Variants in VCL observed in about 807,000 individuals in gnomAD.
The protein encoded by VCL is vinculin, also known as epididymis luminal protein 114.
In VCL, 47 loss-of-function variants were observed where a neutral mutation model predicts 125.7. The observed-to-expected ratio is 0.37, with a 90% CI of 0.30 to 0.48. VCL has a LOEUF of 0.48. Ranked by LOEUF, VCL falls within the 20% of genes least tolerant of loss-of-function variation. VCL has a pLI of 0.99. For missense variants in VCL, 1,069 were observed against 1,455.5 expected (o/e 0.73, Z 4.32); for synonymous variants, 458 against 514.6 (o/e 0.89, Z 1.49).
In VCL at chr10:74,100,820, C is replaced by T. The variant is rs1021250820; in HGVS notation, c.1873-128C>T. ...TGGAGTTTGACTGTTGTTTTATTAA[C>T]TAGGGTTTGATGTCATCTCTAAAGT... On this transcript the variant is annotated intron_variant, in intron 13 of 21. Transcript: ENST00000211998. 10 of 1,121,554 alleles carry T rather than the reference C, an allele frequency of 8.9e-6. No homozygotes were observed. In the African/African-American group the frequency reaches 1.5e-4, roughly 17 times the overall value. 69.5% of individuals were successfully genotyped at this position (1,121,554 alleles called of 1,614,324 possible). A position where few individuals can be genotyped will look rare whatever the true frequency, so the allele number is the denominator to read the frequency against.
Position 74,097,186 on chromosome 10 carries a change from G to A in VCL, c.1744-18G>A. 6.2e-7 allele frequency: 1 copy of A among 1,612,538 alleles called. No homozygotes were observed. The highest frequency in any genetic ancestry group is 8.5e-7 in the Non-Finnish European group (1 of 1,179,260). On this transcript the variant is annotated intron_variant, in intron 12 of 21. Transcript: ENST00000211998. This position sits in a 1 kb window ranked among gnomAD's most constrained non-coding sequence, Gnocchi z 4.1. ...AGGATGTATCTGGACATTTTCATAT[G>A]TAAACAATGTTTTTAAGGATCTAAA...
At chr10:73,998,825 C>T (rs1840169119) in intron 1 of VCL, among the ~76,000 whole-genome samples, 1 of 152,178 alleles carries the variant, frequency 6.6e-6, no homozygotes, top group Non-Finnish European at 1.5e-5. Flanking sequence ...GCGGGCCTTC[C>T]CACGGATCCC....
intron 2 of VCL, among the ~76,000 whole-genome samples, chr10:74,049,201 G>A (rs1564517617): frequency 1.3e-5 from 2 of 151,244 alleles, no homozygotes; most frequent in East Asian, 3.9e-4. Context: ...TTCTCATTAT[G>A]TTTTTTTTTA....
chr10:74,044,655 C>T (rs1337377831), intron 2 of VCL, among the ~76,000 whole-genome samples: 1 of 152,194 alleles, frequency 6.6e-6, no homozygotes, highest in East Asian at 1.9e-4. Context: ...AGCAGTTCCA[C>T]TGTCGGGTAT....
intron 2 of VCL, among the ~76,000 whole-genome samples, chr10:74,069,696 A>C (rs577592867): frequency 2.0e-5 from 3 of 152,372 alleles, no homozygotes; most frequent in African/African-American, 7.2e-5. Context: ...CAGTCACAAC[A>C]TAATGGCTAT....
chr10:74,062,592 G>A (rs1424706727), intron 2 of VCL, among the ~76,000 whole-genome samples: 3 of 151,916 alleles, frequency 2.0e-5, no homozygotes. Flanking sequence ...TTTCTAGGTC[G>A]GTTTTGTTTT....
chr10:74,067,261 G>A (rs1841584556), intron 2 of VCL, among the ~76,000 whole-genome samples: 1 of 151,876 alleles, frequency 6.6e-6, no homozygotes, highest in South Asian at 2.1e-4. Context: ...CTCCATAAAA[G>A]ATGTAGAAAT....
intron 1 of VCL, among the ~76,000 whole-genome samples, chr10:74,013,348 C>T (rs1840471323): frequency 6.6e-6 from 1 of 151,806 alleles, no homozygotes; most frequent in Non-Finnish European, 1.5e-5. Flanking sequence ...TCCTGGGGTG[C>T]AGATGGGGAT....
At chr10:74,107,726 A>G (rs1840159965) in intron 17 of VCL, among the ~76,000 whole-genome samples, 2 of 152,150 alleles carry the variant, frequency 1.3e-5, no homozygotes, top group Admixed American at 1.3e-4. Flanking sequence ...TTAGTTGATA[A>G]TGGTAGAACC....
intron 2 of VCL, among the ~76,000 whole-genome samples, chr10:74,050,873 C>G (rs2136255376): frequency 6.6e-6 from 1 of 150,832 alleles, no homozygotes; most frequent in African/African-American, 2.4e-5. Flanking sequence ...AGCAAGCACT[C>G]AAACTTTAAA....
At chr10:74,080,780 A>G (rs1420235547) in intron 6 of VCL, among the ~76,000 whole-genome samples, 1 of 152,216 alleles carries the variant, frequency 6.6e-6, no homozygotes, top group African/African-American at 2.4e-5. Flanking sequence ...CTATGCCTAG[A>G]TAACTTGTGT....
At chr10:74,004,006 C>T (rs1840275193) in intron 1 of VCL, among the ~76,000 whole-genome samples, 1 of 152,204 alleles carries the variant, frequency 6.6e-6, no homozygotes, top group Non-Finnish European at 1.5e-5. Flanking sequence ...TAGGCATGAT[C>T]CACTGTGTCC....
At chr10:74,022,031 C>T (rs1288832869) in intron 1 of VCL, among the ~76,000 whole-genome samples, 1 of 152,052 alleles carries the variant, frequency 6.6e-6, no homozygotes, top group African/African-American at 2.4e-5. Context: ...ATGCCTTGTC[C>T]CCAGTCTTCC....
Position 74,119,982 on chromosome 10 carries a change from A to G in VCL, c.*1813A>G, listed in dbSNP as rs1840384034. The G allele has an allele frequency of 7.0e-6, 1 of 143,672 alleles. No individual in the cohort carries two copies. The highest frequency in any genetic ancestry group is 7.0e-5 in the Admixed American group (1 of 14,330). The allele number at this position is 143,672 out of a possible 1,614,324, so 8.9% of individuals were successfully genotyped here. ...TATGCCGGATGTGCTTTTCTCCAAT[A>G]TCAGTGCTCGAGACACAGTGAAGCA... On this transcript the variant is annotated 3_prime_UTR_variant, in exon 22 of 22. Coordinates refer to ENST00000211998, the MANE Select transcript of VCL (RefSeq NM_014000.3).
intron 4 of VCL, among the ~76,000 whole-genome samples, chr10:74,072,139 G>A (rs1158719778): frequency 6.6e-6 from 1 of 152,144 alleles, no homozygotes; most frequent in African/African-American, 2.4e-5. Context: ...TAAACAAAAA[G>A]TGCTAGCAGA....
chr10:74,058,061 C>G (rs772216021), intron 2 of VCL, among the ~76,000 whole-genome samples: 4 of 151,954 alleles, frequency 2.6e-5, no homozygotes, highest in African/African-American at 9.7e-5. Flanking sequence ...TCTGAAAGAC[C>G]CTGACAGGAT....
chr10:74,089,106 C>A, intron 8 of VCL, 90 bp from the exon 9 acceptor site: 1 of 1,574,096 alleles, frequency 6.4e-7, no homozygotes, highest in East Asian at 2.3e-5. Context: ...CAAGCATGTT[C>A]ATGAAAACCA....
Position 74,108,986 on chromosome 10 carries a change from G to A in VCL, c.2575G>A (p.Ala859Thr). Residue 859 changes from alanine (A) to threonine (T), a missense_variant, in exon 18 of 22, where the codon GCT becomes ACT. Ala to Thr is a moderately conservative substitution (Grantham distance 58). Transcript: ENST00000211998. Reference sequence around the variant, plus strand: ...TCTTTTTTAGCTAACAGATGAGCTTGCTCCTCCCAAACCACCTCTGCCTGA... The same window carrying A: ...TCTTTTTTAGCTAACAGATGAGCTTACTCCTCCCAAACCACCTCTGCCTGA... ...LEQLRLTDEL[A>T]PPKPPLPEGE... 6.2e-7 allele frequency: 1 copy of A among 1,614,144 alleles called. No individual in the cohort carries two copies. Among genetic ancestry groups the A allele is most frequent in the Non-Finnish European group, 8.5e-7 (1 of 1,180,014 alleles).
chr10:74,033,819 C>T (rs1466757502), intron 1 of VCL, among the ~76,000 whole-genome samples: 5 of 152,162 alleles, frequency 3.3e-5, no homozygotes, highest in African/African-American at 1.2e-4. Flanking sequence ...TGGTTTTCTT[C>T]CTATGTTACC....
Sources: gnomAD v4.1 joint callset for allele counts (sites outside exome capture counted in the v4.1 genomes callset) on GRCh38, gnomAD v4.1.1 for gene constraint, Gnocchi (gnomAD v3.1) non-coding constraint, MANE v1.5 for transcripts, NCBI Gene and HGNC (gene_info 2026-07-23, HGNC 2026-07-21) for gene names.